The following SORT1 variants were observed in gnomAD, a reference collection of about 807,000 sequenced individuals.
SORT1 encodes sortilin 1, also known as sortilin.
In SORT1, 39 loss-of-function variants were observed where a neutral mutation model predicts 101.7. The observed-to-expected ratio is 0.38, with a 90% CI of 0.30 to 0.50. The LOEUF (loss-of-function observed/expected upper bound fraction) is 0.50. Among genes scored for constraint, SORT1 ranks in the 20% least tolerant of loss-of-function variants. The probability of loss-of-function intolerance (pLI) is 0.90; values close to 1 mark genes in which losing one functional copy is unlikely to be tolerated. For synonymous variants in SORT1, 396 were observed against 393.7 expected (o/e 1.01, Z -0.07); for missense variants, 878 against 1,040.4 (o/e 0.84, Z 2.15).
rs576373370 is a variant in SORT1 at position 109,356,315 on chromosome 1, G to T, written c.441-846C>A. ...GAATTACCTGGCCCCAATGTCAAGA[G>T]TACTAAGGTTGAGAAACCCCAATGA... On this transcript the variant is annotated intron_variant, in intron 3 of 19. Coordinates refer to ENST00000256637, the MANE Select transcript of SORT1 (RefSeq NM_002959.7). 3.3e-5 allele frequency among the ~76,000 whole-genome samples: 5 copies of T among 152,310 alleles called. No homozygotes were observed. In the South Asian group the frequency reaches 1.0e-3, roughly 32 times the overall value.
chr1:109,356,225 G>C (rs1478063711), intron 3 of SORT1, among the ~76,000 whole-genome samples: 2 of 152,164 alleles, frequency 1.3e-5, no homozygotes, highest in Non-Finnish European at 2.9e-5. Context: ...CTGGCATTAA[G>C]TGGGTAGTGG....
intron 1 of SORT1, 55 bp from the exon 2 acceptor site, chr1:109,369,644 T>C: frequency 8.7e-7 from 1 of 1,151,348 alleles, no homozygotes; most frequent in Non-Finnish European, 1.3e-6. Context: ...CTTCAATCTT[T>C]GGCTTCTTTA....
chr1:109,364,171 A>G (rs888115141), intron 3 of SORT1, among the ~76,000 whole-genome samples: 11 of 152,340 alleles, frequency 7.2e-5, no homozygotes, highest in African/African-American at 2.6e-4. Flanking sequence ...ATTGCACTCT[A>G]GTAAAGTATG....
chr1:109,326,193 G>A (rs964444599), intron 13 of SORT1, among the ~76,000 whole-genome samples: 13 of 147,860 alleles, frequency 8.8e-5, no homozygotes, highest in African/African-American at 2.2e-4. Flanking sequence ...AACCAAAGGC[G>A]TGCACCACCA....
intron 11 of SORT1, among the ~76,000 whole-genome samples, chr1:109,334,665 C>G (rs1256996224): frequency 6.6e-6 from 1 of 152,054 alleles, no homozygotes; most frequent in Non-Finnish European, 1.5e-5. Flanking sequence ...AGAATAGATC[C>G]TAAATGTTCT....
At chr1:109,379,134 C>A (rs895940846) in intron 1 of SORT1, among the ~76,000 whole-genome samples, 36 of 148,170 alleles carry the variant, frequency 2.4e-4, no homozygotes, top group African/African-American at 7.6e-4. Flanking sequence ...CAAAGTGAAA[C>A]GCCGTCTCAA....
chr1:109,340,538 T>C (rs1275686159), intron 10 of SORT1, among the ~76,000 whole-genome samples, 186 bp downstream of exon 10: 1 of 151,366 alleles, frequency 6.6e-6, no homozygotes, highest in Admixed American at 6.6e-5. Context: ...CCCTATACAA[T>C]GTTAAAAACT....
rs12077741 is a variant in SORT1 at position 109,314,226 on chromosome 1, G to A, written c.2481+35C>T. The A allele has an allele frequency of 1.6e-5, 23 of 1,483,376 alleles. No individual in the cohort carries two copies. In the South Asian group the frequency reaches 2.2e-4, roughly 14 times the overall value. The allele number at this position is 1,483,376 out of a possible 1,614,324, so 91.9% of individuals were successfully genotyped here. ...TTTATTTTCTTGTATTTTTTGGGGG[G>A]GGGGGTACTACCATTCAAGAAGAAA... is the stretch of plus-strand genomic sequence containing the variant. On this transcript the variant is annotated intron_variant, in intron 19 of 19. Transcript: ENST00000256637.
rs1658861778 is a variant in SORT1, at chr1:109,313,789, CA to C, written c.*253del. ...AAAAAGCCCATACTTTGCAAAGAGA[CA>C]GGACGAGAAATAAGAAGTTAAAGAA... On this transcript the variant is annotated 3_prime_UTR_variant, in exon 20 of 20. Transcript: ENST00000256637. 3.8e-6 allele frequency: 2 copies of C among 526,696 alleles called. No homozygotes were observed. The highest frequency in any genetic ancestry group is 6.3e-5 in the East Asian group (2 of 31,890). The allele number at this position is 526,696 out of a possible 1,614,324, so 32.6% of individuals were successfully genotyped here.
chr1:109,313,954 G>A lies in SORT1; in HGVS notation c.*89C>T. 7.3e-7 allele frequency: 1 copy of A among 1,371,844 alleles called. No homozygotes were observed. The highest frequency in any genetic ancestry group is 1.0e-6 in the Non-Finnish European group (1 of 966,890). The allele number at this position is 1,371,844 out of a possible 1,614,324, so 85.0% of individuals were successfully genotyped here. A position where few individuals can be genotyped will look rare whatever the true frequency, so the allele number is the denominator to read the frequency against. The stretch of plus-strand genomic sequence containing the variant: ...AAACAGAGCTGGGTCCCTCGCAATG[G>A]GAAATTTATTTCCTGAAGTTGGAGC... On this transcript the variant is annotated 3_prime_UTR_variant, in exon 20 of 20. Coordinates refer to ENST00000256637, the MANE Select transcript of SORT1 (RefSeq NM_002959.7).
At chr1:109,317,004 C>T in intron 16 of SORT1, 46 bp from the exon 17 acceptor site, 1 of 1,179,078 alleles carries the variant, frequency 8.5e-7, no homozygotes, top group Non-Finnish European at 1.2e-6. Flanking sequence ...GGATGTATTC[C>T]TGGGTACCTG....
chr1:109,326,428 AATATATATATAT>A (rs1166570516), intron 13 of SORT1, among the ~76,000 whole-genome samples: 21 of 70,906 alleles, frequency 3.0e-4, no homozygotes, highest in African/African-American at 1.2e-3. Context: ...AGACAGAAAG[AATATATATATAT>A]ATATATATAT....
intron 15 of SORT1, among the ~76,000 whole-genome samples, chr1:109,318,548 G>A (rs554475978): frequency 3.5e-4 from 54 of 152,320 alleles, no homozygotes; most frequent in African/African-American, 1.1e-3. Context: ...CAGCTCAGGC[G>A]CAGGGAGGTG....
Position 109,317,846 on chromosome 1 carries a change from A to C in SORT1, c.2141+7T>G. ...CCATCGTGACAAGGGAGAAAAGGCCACCTCACCCATTTGTTGTTAGGTGTT... is the reference window on the plus strand; with the variant it reads ...CCATCGTGACAAGGGAGAAAAGGCCCCCTCACCCATTTGTTGTTAGGTGTT... On this transcript the variant is annotated splice_region_variant and intron_variant, in intron 16 of 19. Coordinates refer to ENST00000256637, the MANE Select transcript of SORT1 (RefSeq NM_002959.7). 1 of 1,572,820 alleles carries C rather than the reference A, an allele frequency of 6.4e-7. No homozygotes were observed. The highest frequency in any genetic ancestry group is 1.1e-5 in the South Asian group (1 of 89,966).
At chr1:109,382,635 C>T (rs1246829543) in intron 1 of SORT1, among the ~76,000 whole-genome samples, 2 of 152,126 alleles carry the variant, frequency 1.3e-5, no homozygotes, top group Non-Finnish European at 2.9e-5. Flanking sequence ...TTGTCCATTA[C>T]CTATTGAACA....
intron 1 of SORT1, among the ~76,000 whole-genome samples, chr1:109,388,432 G>A (rs766842135): frequency 6.6e-6 from 1 of 151,726 alleles, no homozygotes; most frequent in Non-Finnish European, 1.5e-5. Flanking sequence ...ATACAGATGG[G>A]GTCTCACTAT....
chr1:109,375,462 G>A (rs767948006), intron 1 of SORT1, among the ~76,000 whole-genome samples: 1 of 148,706 alleles, frequency 6.7e-6, no homozygotes, highest in Non-Finnish European at 1.5e-5. Flanking sequence ...AGAATGGCGT[G>A]AACCCCAGGG....
At chr1:109,352,263 T>C (rs1322305256) in intron 5 of SORT1, among the ~76,000 whole-genome samples, 1 of 152,092 alleles carries the variant, frequency 6.6e-6, no homozygotes, top group Non-Finnish European at 1.5e-5. Flanking sequence ...TTTGAAAATC[T>C]TATACATTAT....
At chr1:109,344,992 C>T (rs1649485102) in intron 8 of SORT1, among the ~76,000 whole-genome samples, 1 of 152,166 alleles carries the variant, frequency 6.6e-6, no homozygotes, top group Admixed American at 6.5e-5. Flanking sequence ...CCACTACCCC[C>T]AGCCTTCATA....
Sources: gnomAD v4.1 joint callset for allele counts (sites outside exome capture counted in the v4.1 genomes callset) on GRCh38, gnomAD v4.1.1 for gene constraint, MANE v1.5 for transcripts, NCBI Gene and HGNC (gene_info 2026-07-23, HGNC 2026-07-21) for gene names.